Variants in TOX3 observed in about 807,000 individuals in gnomAD.
TOX3 encodes CAG trinucleotide repeat-containing gene F9 protein.
TOX3 carries 22 observed loss-of-function variants against 64.3 expected under a neutral mutation model. The observed-to-expected ratio is 0.34, with a 90% CI of 0.24 to 0.49. The LOEUF (loss-of-function observed/expected upper bound fraction) is 0.49. Ranked by LOEUF, TOX3 falls within the 20% of genes least tolerant of loss-of-function variation. The pLI is 0.99. For synonymous variants in TOX3, 291 were observed against 273.6 expected (o/e 1.06, Z -0.63); for missense variants, 661 against 714.4 (o/e 0.93, Z 0.85).
rs1394650875 is a variant in TOX3 at position 52,439,939 on chromosome 16, G to A, written c.1017C>T (p.Thr339=). The change falls in exon 7 of 7, where the codon ACC becomes ACT. Residue 339 remains threonine (T), a synonymous_variant. Transcript: ENST00000219746. ...CCAGGGTCTGCTGAACAGAACGGAT[G>A]GTCTGGGCTTCTGCTGACTCAGCAG... The part of the protein sequence containing the change: ...KAAAESAEAQ[T]IRSVQQTLAS... 1 of 1,576,402 alleles carries A rather than the reference G, an allele frequency of 6.3e-7. No homozygotes were observed. The highest frequency in any genetic ancestry group is 1.3e-5 in the African/African-American group (1 of 74,200).
At chr16:52,482,576 T>C (rs1961397090) in intron 1 of TOX3, among the ~76,000 whole-genome samples, 1 of 152,168 alleles carries the variant, frequency 6.6e-6, no homozygotes, top group Non-Finnish European at 1.5e-5. Flanking sequence ...ACACTACATA[T>C]ACTATCTAAA....
At position 52,468,506 on chromosome 16, in the gene TOX3, T is replaced by C. The variant is rs1299600197; in HGVS notation, c.153+3A>G. ...GAACAAACACATTAAGACAGTCACC[T>C]ACCTCACTGGCAGCGAAGAACGCAT... On this transcript the variant is annotated splice_donor_region_variant and intron_variant, in intron 2 of 6. Coordinates refer to ENST00000219746, the MANE Select transcript of TOX3 (RefSeq NM_001080430.4). 6.2e-7 allele frequency: 1 copy of C among 1,612,706 alleles called. No homozygotes were observed. Among genetic ancestry groups the C allele is most frequent in the Admixed American group, 1.7e-5 (1 of 59,936 alleles).
chr16:52,498,400 A>G (rs1239731359), intron 1 of TOX3, among the ~76,000 whole-genome samples: 1 of 152,236 alleles, frequency 6.6e-6, no homozygotes, highest in Non-Finnish European at 1.5e-5. Context: ...AATGAGAACA[A>G]TACTGCTCAC....
intron 6 of TOX3, among the ~76,000 whole-genome samples, chr16:52,442,529 C>A (rs1026404166): frequency 2.0e-5 from 3 of 152,174 alleles, no homozygotes; most frequent in Non-Finnish European, 4.4e-5. Context: ...ATCGTGGAGG[C>A]AATGCTCTAG....
intron 1 of TOX3, among the ~76,000 whole-genome samples, chr16:52,544,248 A>C (rs1421543545): frequency 6.6e-6 from 1 of 152,210 alleles, no homozygotes; most frequent in East Asian, 1.9e-4. Context: ...CAGACACACA[A>C]ATTAGCTGTG....
chr16:52,493,657 C>A lies in TOX3; in HGVS notation c.88-25083G>T, dbSNP rs138542045. Among the ~76,000 whole-genome samples the A allele has an allele frequency of 1.3e-3, 200 of 152,276 alleles. 3 individuals carry two copies. In the East Asian group the frequency reaches 0.036, roughly 28 times the overall value. Reference sequence around the variant, plus strand: ...TCCATATCTTCTTATTTTTATCCTACTCCATCACAGAATCATCTTAAAAAC... The same window carrying A: ...TCCATATCTTCTTATTTTTATCCTAATCCATCACAGAATCATCTTAAAAAC... On this transcript the variant is annotated intron_variant, in intron 1 of 6. Transcript: ENST00000219746.
intron 1 of TOX3, among the ~76,000 whole-genome samples, chr16:52,500,224 A>G (rs1054883958): frequency 3.9e-5 from 6 of 152,204 alleles, no homozygotes; most frequent in Non-Finnish European, 7.3e-5. Flanking sequence ...CTTCCTTCTC[A>G]TGTGTTTTAA....
chr16:52,447,387 A>T (rs2151743792), intron 4 of TOX3, among the ~76,000 whole-genome samples: 1 of 152,272 alleles, frequency 6.6e-6, no homozygotes. Context: ...TTTACTTTCT[A>T]AATGAGGGTC....
At chr16:52,511,184 A>G (rs1962298712) in intron 1 of TOX3, among the ~76,000 whole-genome samples, 1 of 152,164 alleles carries the variant, frequency 6.6e-6, no homozygotes. Flanking sequence ...CTGAGAGTCC[A>G]GGATACTCAA....
At chr16:52,526,933 G>A (rs1019860659) in intron 1 of TOX3, among the ~76,000 whole-genome samples, 3 of 152,176 alleles carry the variant, frequency 2.0e-5, no homozygotes, top group African/African-American at 7.2e-5. Flanking sequence ...CTCATAACTA[G>A]TTATGTATTG....
intron 6 of TOX3, among the ~76,000 whole-genome samples, chr16:52,441,268 A>C (rs1456239558): frequency 1.3e-5 from 2 of 152,238 alleles, no homozygotes; most frequent in Non-Finnish European, 2.9e-5. Context: ...ACTCAAGTAT[A>C]AGAAAACCAT....
At chr16:52,471,065 T>C (rs1961032749) in intron 1 of TOX3, among the ~76,000 whole-genome samples, 1 of 152,184 alleles carries the variant, frequency 6.6e-6, no homozygotes, top group Non-Finnish European at 1.5e-5. Flanking sequence ...AGTTAGATAA[T>C]ATACAGGACA....
intron 1 of TOX3, chr16:52,519,356 G>A (rs1405056068): frequency 1.3e-6 from 2 of 1,522,430 alleles, no homozygotes; most frequent in East Asian, 4.9e-5. Context: ...ACACTATCTG[G>A]TTAGCCTGTC....
At chr16:52,470,451 T>C (rs1390903905) in intron 1 of TOX3, among the ~76,000 whole-genome samples, 3 of 152,124 alleles carry the variant, frequency 2.0e-5, no homozygotes, top group Non-Finnish European at 4.4e-5. Flanking sequence ...TTTTTTAAGA[T>C]TAAACTTACT....
intron 1 of TOX3, among the ~76,000 whole-genome samples, chr16:52,485,626 C>T (rs1961510216): frequency 2.0e-5 from 3 of 151,952 alleles, no homozygotes; most frequent in Admixed American, 2.0e-4. Context: ...CAAACATGCA[C>T]ATGTACCCCC....
chr16:52,483,141 C>T (rs1298620401), intron 1 of TOX3, among the ~76,000 whole-genome samples: 2 of 152,150 alleles, frequency 1.3e-5, no homozygotes, highest in Non-Finnish European at 2.9e-5. Flanking sequence ...AGAAAACCTC[C>T]CAGGAAAACC....
chr16:52,486,539 CA>C (rs1202243636), intron 1 of TOX3, among the ~76,000 whole-genome samples: 3 of 151,782 alleles, frequency 2.0e-5, no homozygotes, highest in Non-Finnish European at 4.4e-5. Flanking sequence ...AGAACCATAT[CA>C]AAAAAAATTC....
chr16:52,515,602 A>G (rs1300351374), intron 1 of TOX3, among the ~76,000 whole-genome samples: 1 of 152,220 alleles, frequency 6.6e-6, no homozygotes. Context: ...GATCAAGTGT[A>G]ACACCAGGTG....
intron 4 of TOX3, among the ~76,000 whole-genome samples, chr16:52,446,841 T>C (rs1960178232): frequency 6.6e-6 from 1 of 152,084 alleles, no homozygotes; most frequent in South Asian, 2.1e-4. Context: ...TAACAGCAAA[T>C]GTAAAAATGT....
Sources: gnomAD v4.1 joint callset for allele counts (sites outside exome capture counted in the v4.1 genomes callset) on GRCh38, gnomAD v4.1.1 for gene constraint, MANE v1.5 for transcripts, NCBI Gene and HGNC (gene_info 2026-07-23, HGNC 2026-07-21) for gene names.